Variants in LKAAEAR1 observed in about 807,000 individuals in gnomAD.
LKAAEAR1 encodes the protein LKAAEAR motif containing 1, also known as protein LKAAEAR1.
A neutral mutation model predicts 16.5 loss-of-function variants in LKAAEAR1; 19 were observed. The observed-to-expected ratio is 1.15, with a 90% confidence interval of 0.80 to 1.69. The LOEUF is 1.69. Ranked by LOEUF, LKAAEAR1 falls within the 40% of genes most tolerant of loss-of-function variation. The probability of loss-of-function intolerance (pLI) is 0.00; values close to 1 mark genes in which losing one functional copy is unlikely to be tolerated. For synonymous variants in LKAAEAR1, 124 were observed against 152.7 expected, an observed-to-expected ratio of 0.81 and a Z score of 1.39; for missense variants, 304 against 315.8, an observed-to-expected ratio of 0.96 and a Z score of 0.28.
chr20:64,083,710 G>A lies in LKAAEAR1; in HGVS notation c.403-5C>T, dbSNP rs1226589923. On this transcript the variant is annotated splice_polypyrimidine_tract_variant and splice_region_variant and intron_variant, in intron 1 of 2. Transcript: ENST00000302096. This position sits in a 1 kb window ranked among gnomAD's most constrained non-coding sequence, Gnocchi z 4.9. ...GAGCAGCGCGATCTCCTCGGCCTGC[G>A]GGGCCCGGGTAGCTGAGCGCGCGCC... 7.2e-6 allele frequency: 10 copies of A among 1,379,472 alleles called. No individual in the cohort carries two copies. The highest frequency in any genetic ancestry group is 3.1e-5 in the East Asian group (1 of 32,754). 85.5% of individuals were successfully genotyped at this position (1,379,472 alleles called of 1,614,324 possible). A position where few individuals can be genotyped will look rare whatever the true frequency, so the allele number is the denominator to read the frequency against.
chr20:64,084,119 G>GC lies in LKAAEAR1; in HGVS notation c.100dup (p.Ala34GlyfsTer179). ...CGGCTTGGGGGGCTCTGTCGCGGGCGCCCCCTTGGCACGCTCCTCACCCTG... is the reference window on the plus strand; with the variant it reads ...CGGCTTGGGGGGCTCTGTCGCGGGCGCCCCCCTTGGCACGCTCCTCACCCTG... On this transcript the variant is annotated frameshift_variant, in exon 1 of 3. Transcript: ENST00000302096. LOFTEE classifies it high-confidence loss of function. The GC allele has an allele frequency of 6.8e-7, 1 of 1,470,226 alleles. No individual in the cohort carries two copies. The allele number at this position is 1,470,226 out of a possible 1,614,324, so 91.1% of individuals were successfully genotyped here.
upstream of LKAAEAR1, chr20:64,084,413 C>T (rs1910942395): frequency 7.9e-7 from 1 of 1,267,046 alleles, no homozygotes. Flanking sequence ...CGCACGTCCC[C>T]AGCAGCTCTG....
Position 64,083,677 on chromosome 20 carries a change from C to G in LKAAEAR1, c.431G>C (p.Arg144Pro). 1 of 1,427,304 alleles carries G rather than the reference C, an allele frequency of 7.0e-7. No individual in the cohort carries two copies. The highest frequency in any genetic ancestry group is 9.1e-7 in the Non-Finnish European group (1 of 1,097,808). 88.4% of individuals were successfully genotyped at this position (1,427,304 alleles called of 1,614,324 possible). A position where few individuals can be genotyped will look rare whatever the true frequency, so the allele number is the denominator to read the frequency against. ...RAEEIALLIQ[R>P]QKSARAAIRL... is the part of the protein sequence containing the mutation. ...GATGGCGGCGCGCGCGGACTTCTGC[C>G]GCTGGATGAGCAGCGCGATCTCCTC... Residue 144 changes from arginine to proline, a missense_variant, in exon 2 of 3, where the codon CGG becomes CCG. Transcript: ENST00000302096. This position sits in a 1 kb window ranked among gnomAD's most constrained non-coding sequence, Gnocchi z 4.9.
Position 64,083,761 on chromosome 20 carries a change from C to A in LKAAEAR1, c.403-56G>T. 7.5e-7 allele frequency: 1 copy of A among 1,334,328 alleles called. No homozygotes were observed. The highest frequency in any genetic ancestry group is 9.5e-7 in the Non-Finnish European group (1 of 1,048,422). The allele number at this position is 1,334,328 out of a possible 1,614,324, so 82.7% of individuals were successfully genotyped here. ...GAGCCCCGCCCCGCCCCGCCCCGGC[C>A]GGCTCCGCTCAACGCTCCCGGTGCG... is the stretch of plus-strand genomic sequence containing the variant. On this transcript the variant is annotated intron_variant, in intron 1 of 2. Transcript: ENST00000302096. The surrounding 1 kb of genome is among the most constrained non-coding windows in gnomAD (Gnocchi z 4.9).
chr20:64,083,635 A>G lies in LKAAEAR1; in HGVS notation c.473T>C (p.Leu158Pro), dbSNP rs1205562206. 6.8e-7 allele frequency: 1 copy of G among 1,474,362 alleles called. No individual in the cohort carries two copies. The highest frequency in any genetic ancestry group is 1.3e-5 in the South Asian group (1 of 76,160). The allele number at this position is 1,474,362 out of a possible 1,614,324, so 91.3% of individuals were successfully genotyped here. ...ARAAIRLELF[L>P]PPQLKPARIP... ...CCGCGCGGGCTTCAGCTGCGGCGGC[A>G]GGAACAGCTCCAGCCGGATGGCGGC... The change falls in exon 2 of 3, where the codon CTG (leucine) becomes CCG (proline). Residue 158 changes from leucine to proline, a missense_variant. Coordinates refer to ENST00000302096, the MANE Select transcript of LKAAEAR1 (RefSeq NM_001353425.2). This position sits in a 1 kb window ranked among gnomAD's most constrained non-coding sequence, Gnocchi z 4.9.
chr20:64,084,827 C>T (rs933961472), upstream of LKAAEAR1, among the ~76,000 whole-genome samples: 12 of 152,238 alleles, frequency 7.9e-5, 1 homozygote, highest in Non-Finnish European at 1.3e-4. Context: ...GGCAGAGCCA[C>T]GGCCAGCCCC....
upstream of LKAAEAR1, among the ~76,000 whole-genome samples, chr20:64,084,862 T>A (rs2060025581): frequency 6.6e-6 from 1 of 151,454 alleles, no homozygotes; most frequent in Non-Finnish European, 1.5e-5. Context: ...CCCCCGCCCC[T>A]CCTTAGCTCC....
chr20:64,084,231 G>A lies in LKAAEAR1; in HGVS notation c.-12C>T, dbSNP rs1249775040. The A allele has an allele frequency of 3.6e-6, 5 of 1,377,570 alleles. No individual in the cohort carries two copies. Among genetic ancestry groups the A allele is most frequent in the Non-Finnish European group, 4.7e-6 (5 of 1,072,742 alleles). The allele number at this position is 1,377,570 out of a possible 1,614,324, so 85.3% of individuals were successfully genotyped here. On this transcript the variant is annotated 5_prime_UTR_variant, in exon 1 of 3. Transcript: ENST00000302096. ...GCTGGCGGCGGCATCCTCCCGCCCTGCGGAGGGAGGAGGGCGTCCCGTCGG... is the reference window on the plus strand; with the variant it reads ...GCTGGCGGCGGCATCCTCCCGCCCTACGGAGGGAGGAGGGCGTCCCGTCGG...
chr20:64,084,407 C>T, upstream of LKAAEAR1: 2 of 1,268,448 alleles, frequency 1.6e-6, no homozygotes, highest in Non-Finnish European at 2.0e-6. Context: ...CCCAAGCGCA[C>T]GTCCCCAGCA....
chr20:64,084,205 C>T lies in LKAAEAR1; in HGVS notation c.15G>A (p.Ala5=). 1 of 1,421,462 alleles carries T rather than the reference C, an allele frequency of 7.0e-7. No individual in the cohort carries two copies. Among genetic ancestry groups the T allele is most frequent in the Non-Finnish European group, 9.1e-7 (1 of 1,095,392 alleles). The allele number at this position is 1,421,462 out of a possible 1,614,324, so 88.1% of individuals were successfully genotyped here. The change falls in exon 1 of 3, where the codon GCG becomes GCA. Residue 5 remains alanine (A), a synonymous_variant. Coordinates refer to ENST00000302096, the MANE Select transcript of LKAAEAR1 (RefSeq NM_001353425.2). The part of the protein sequence containing the change: MPPP[A]KEGGRKGPRE... The stretch of plus-strand genomic sequence containing the variant: ...GCGGGCCCTTGCGCCCGCCCTCCTT[C>T]GCTGGCGGCGGCATCCTCCCGCCCT...
rs1269238143 is a variant in LKAAEAR1 at position 64,084,003 on chromosome 20, C to T, written c.217G>A (p.Gly73Ser). ...CACGGGAAGGTGGAGGCCGCCGCGC[C>T]CACGTCCTCCAGCAGGTCGCCGAAG... is the stretch of plus-strand genomic sequence containing the variant. ...LLFGDLLEDV[G>S]AAASTFPCGS... Residue 73 changes from glycine (G) to serine (S), a missense_variant, in exon 1 of 3, where the codon GGC becomes AGC. Gly to Ser is a moderately conservative substitution (Grantham distance 56). Coordinates refer to ENST00000302096, the MANE Select transcript of LKAAEAR1 (RefSeq NM_001353425.2). 1.3e-6 allele frequency: 2 copies of T among 1,495,920 alleles called. No homozygotes were observed. The highest frequency in any genetic ancestry group is 2.2e-5 in the Admixed American group (1 of 46,506). The allele number at this position is 1,495,920 out of a possible 1,614,324, so 92.7% of individuals were successfully genotyped here. A position where few individuals can be genotyped will look rare whatever the true frequency, so the allele number is the denominator to read the frequency against.
chr20:64,084,181 C>T lies in LKAAEAR1; in HGVS notation c.39G>A (p.Pro13=). ...GCGCGCTCTTCCCGCTTCGCTCCCG[C>T]GGGCCCTTGCGCCCGCCCTCCTTCG... ...PPAKEGGRKG[P]RERSGKSAPG... The change falls in exon 1 of 3, where the codon CCG becomes CCA. Residue 13 remains proline, a synonymous_variant. Coordinates refer to ENST00000302096, the MANE Select transcript of LKAAEAR1 (RefSeq NM_001353425.2). 6.9e-7 allele frequency: 1 copy of T among 1,448,258 alleles called. No individual in the cohort carries two copies. The allele number at this position is 1,448,258 out of a possible 1,614,324, so 89.7% of individuals were successfully genotyped here.
chr20:64,083,799 T>C lies in LKAAEAR1; in HGVS notation c.402+19A>G, dbSNP rs2060002333. On this transcript the variant is annotated intron_variant, in intron 1 of 2. Transcript: ENST00000302096. This position sits in a 1 kb window ranked among gnomAD's most constrained non-coding sequence, Gnocchi z 4.9. ...CGCTCCCGGTGCGCCCCCTCTGCCCTCCGACCCCCTCGCCTCACCCGCATG... is the reference window on the plus strand; with the variant it reads ...CGCTCCCGGTGCGCCCCCTCTGCCCCCCGACCCCCTCGCCTCACCCGCATG... The C allele has an allele frequency of 7.5e-7, 1 of 1,338,746 alleles. No individual in the cohort carries two copies. Among genetic ancestry groups the C allele is most frequent in the Non-Finnish European group, 9.5e-7 (1 of 1,050,964 alleles). The allele number at this position is 1,338,746 out of a possible 1,614,324, so 82.9% of individuals were successfully genotyped here.
rs375520177 is a variant in LKAAEAR1, at chr20:64,083,518, C to T, written c.526-24G>A. The T allele has an allele frequency of 3.8e-6, 6 of 1,573,644 alleles. No individual in the cohort carries two copies. The highest frequency in any genetic ancestry group is 5.2e-6 in the Non-Finnish European group (6 of 1,160,520). Reference sequence around the variant, plus strand: ...CGCTGCCGGGGAGAGAGGCTGGGGTCCGGCGTGTGCGGAGGCGGGCAGGGC... The same window carrying T: ...CGCTGCCGGGGAGAGAGGCTGGGGTTCGGCGTGTGCGGAGGCGGGCAGGGC... On this transcript the variant is annotated intron_variant, in intron 2 of 2. Transcript: ENST00000302096. This position sits in a 1 kb window ranked among gnomAD's most constrained non-coding sequence, Gnocchi z 4.9.
Position 64,083,757 on chromosome 20 carries a change from C to T in LKAAEAR1, c.403-52G>A, listed in dbSNP as rs547432659. 4.9e-5 allele frequency: 65 copies of T among 1,333,392 alleles called. 1 individual carries two copies. The South Asian group carries it at 1.1e-3, about 24-fold the overall frequency. 82.6% of individuals were successfully genotyped at this position (1,333,392 alleles called of 1,614,324 possible). A position where few individuals can be genotyped will look rare whatever the true frequency, so the allele number is the denominator to read the frequency against. On this transcript the variant is annotated intron_variant, in intron 1 of 2. Coordinates refer to ENST00000302096, the MANE Select transcript of LKAAEAR1 (RefSeq NM_001353425.2). The surrounding 1 kb of genome is among the most constrained non-coding windows in gnomAD (Gnocchi z 4.9). The stretch of plus-strand genomic sequence containing the variant: ...CGCCGAGCCCCGCCCCGCCCCGCCC[C>T]GGCCGGCTCCGCTCAACGCTCCCGG...
chr20:64,083,499 C>A lies in LKAAEAR1; in HGVS notation c.526-5G>T. 1 of 1,587,212 alleles carries A rather than the reference C, an allele frequency of 6.3e-7. No homozygotes were observed. The highest frequency in any genetic ancestry group is 8.6e-7 in the Non-Finnish European group (1 of 1,168,140). ...GATGGTCTCCACGCGCCTCCGCTGC[C>A]GGGGAGAGAGGCTGGGGTCCGGCGT... On this transcript the variant is annotated splice_polypyrimidine_tract_variant and splice_region_variant and intron_variant, in intron 2 of 2. Coordinates refer to ENST00000302096, the MANE Select transcript of LKAAEAR1 (RefSeq NM_001353425.2). This position sits in a 1 kb window ranked among gnomAD's most constrained non-coding sequence, Gnocchi z 4.9.
Position 64,083,865 on chromosome 20 carries a change from C to T in LKAAEAR1, c.355G>A (p.Ala119Thr). Residue 119 changes from alanine to threonine, a missense_variant, in exon 1 of 3, where the codon GCC becomes ACC. Coordinates refer to ENST00000302096, the MANE Select transcript of LKAAEAR1 (RefSeq NM_001353425.2). The surrounding 1 kb of genome is among the most constrained non-coding windows in gnomAD (Gnocchi z 4.9). ...RLLGVLKAAE[A>T]RGRVRALRLR... The stretch of plus-strand genomic sequence containing the variant: ...CGCAGGGCGCGGACTCGCCCGCGGG[C>T]CTCCGCTGCCTTGAGGACGCCGAGG... The T allele has an allele frequency of 3.5e-6, 5 of 1,420,174 alleles. No individual in the cohort carries two copies. Among genetic ancestry groups the T allele is most frequent in the East Asian group, 3.1e-5 (1 of 32,582 alleles). The allele number at this position is 1,420,174 out of a possible 1,614,324, so 88.0% of individuals were successfully genotyped here.
Position 64,083,433 on chromosome 20 carries a change from C to T in LKAAEAR1, c.*2G>A, listed in dbSNP as rs372961279. On this transcript the variant is annotated 3_prime_UTR_variant, in exon 3 of 3. Coordinates refer to ENST00000302096, the MANE Select transcript of LKAAEAR1 (RefSeq NM_001353425.2). This position sits in a 1 kb window ranked among gnomAD's most constrained non-coding sequence, Gnocchi z 4.9. The stretch of plus-strand genomic sequence containing the variant: ...GGGCGCGTCGCACACTCTCAGTCGC[C>T]GTCACCGCGGGAAGATGGTGCCATC... 3.1e-6 allele frequency: 5 copies of T among 1,611,270 alleles called. No individual in the cohort carries two copies. The highest frequency in any genetic ancestry group is 3.4e-6 in the Non-Finnish European group (4 of 1,179,364).
chr20:64,083,977 G>T lies in LKAAEAR1; in HGVS notation c.243C>A (p.Cys81Ter), dbSNP rs1267139814. 2 of 1,469,652 alleles carry T rather than the reference G, an allele frequency of 1.4e-6. No homozygotes were observed. Among genetic ancestry groups the T allele is most frequent in the Middle Eastern group, 2.2e-4 (1 of 4,446 alleles). 91.0% of individuals were successfully genotyped at this position (1,469,652 alleles called of 1,614,324 possible). Residue 81 changes from cysteine to a stop codon, truncating the protein, a stop_gained, in exon 1 of 3, where the codon TGC becomes TGA. Coordinates refer to ENST00000302096, the MANE Select transcript of LKAAEAR1 (RefSeq NM_001353425.2). LOFTEE classifies it high-confidence loss of function. The surrounding 1 kb of genome is among the most constrained non-coding windows in gnomAD (Gnocchi z 4.9). ...DVGAAASTFP[C>*]GSVEPGYRMP... ...TGCGGTACCCCGGTTCCACCGACCC[G>T]CACGGGAAGGTGGAGGCCGCCGCGC... is the stretch of plus-strand genomic sequence containing the variant.
Sources: allele counts gnomAD v4.1 joint callset (sites outside exome capture counted in the v4.1 genomes callset), GRCh38; gene constraint gnomAD v4.1.1; non-coding constraint Gnocchi (gnomAD v3.1); transcripts MANE v1.5; gene names NCBI Gene and HGNC (gene_info 2026-07-23, HGNC 2026-07-21).